Variants in TIAM1 observed in about 807,000 individuals in gnomAD.
The protein encoded by TIAM1 is TIAM Rac1 associated GEF 1.
A neutral mutation model predicts 163.5 loss-of-function variants in TIAM1; 65 were observed. The ratio of observed to expected loss-of-function variants is 0.40; its 90% CI spans 0.33 to 0.49. The LOEUF (loss-of-function observed/expected upper bound fraction) is 0.49. Among genes scored for constraint, TIAM1 ranks in the 20% least tolerant of loss-of-function variants. The probability of loss-of-function intolerance (pLI) is 0.77; values close to 1 mark genes in which losing one functional copy is unlikely to be tolerated. For missense variants in TIAM1, 1,789 were observed against 2,044.7 expected, an observed-to-expected ratio of 0.87 and a Z score of 2.41; for synonymous variants, 833 against 810.1, an observed-to-expected ratio of 1.03 and a Z score of -0.48.
chr21:31,301,579 CCTGTAA>C (rs2074501085), intron 2 of TIAM1, among the ~76,000 whole-genome samples: 1 of 152,136 alleles, frequency 6.6e-6, no homozygotes, highest in African/African-American at 2.4e-5. Context: ...GTGGCTCACG[CCTGTAA>C]TCCCAACACT....
At chr21:31,298,880 C>G (rs2146948347) in intron 2 of TIAM1, among the ~76,000 whole-genome samples, 1 of 152,008 alleles carries the variant, frequency 6.6e-6, no homozygotes, top group East Asian at 1.9e-4. Flanking sequence ...TATATCCTCC[C>G]CACCTCAAAT....
intron 1 of TIAM1, among the ~76,000 whole-genome samples, chr21:31,489,507 C>CAGGGAGGGAAGGAAGGGAGGGAGGGAGGG (rs2046389935): frequency 1.4e-5 from 1 of 73,644 alleles, no homozygotes; most frequent in Non-Finnish European, 2.4e-5. Context: ...GGGAGGGAGA[C>CAGGGAGGGAAGGAAGGGAGGGAGGGAGGG]AGGGAGGGAA....
chr21:31,203,107 A>T lies in TIAM1; in HGVS notation c.2389-95T>A. On this transcript the variant is annotated intron_variant, in intron 11 of 27. Transcript: ENST00000541036. ...CAACATACGATGTATTCCTATGACCAATAGAGTTTGTTGTTGTTGTTGTTG... is the reference window on the plus strand; with the variant it reads ...CAACATACGATGTATTCCTATGACCTATAGAGTTTGTTGTTGTTGTTGTTG... 8.7e-6 allele frequency: 9 copies of T among 1,030,282 alleles called. No individual in the cohort carries two copies. The South Asian group carries it at 1.3e-4, about 15-fold the overall frequency. The allele number at this position is 1,030,282 out of a possible 1,614,324, so 63.8% of individuals were successfully genotyped here. A position where few individuals can be genotyped will look rare whatever the true frequency, so the allele number is the denominator to read the frequency against.
At chr21:31,281,552 C>T (rs2073568134) in intron 2 of TIAM1, among the ~76,000 whole-genome samples, 1 of 152,116 alleles carries the variant, frequency 6.6e-6, no homozygotes, top group Non-Finnish European at 1.5e-5. Context: ...GGATCAAAAT[C>T]CTAAACATGT....
chr21:31,464,164 A>C (rs932867934), intron 1 of TIAM1: 3 of 152,226 alleles, frequency 2.0e-5, no homozygotes, highest in Non-Finnish European at 4.4e-5. Context: ...AGAGGAGGCA[A>C]CAGCCATCGC....
intron 2 of TIAM1, among the ~76,000 whole-genome samples, chr21:31,309,892 A>T (rs1217295117): frequency 6.6e-6 from 1 of 152,198 alleles, no homozygotes. Context: ...AAAAGTAAAA[A>T]ACCCAAATCC....
At chr21:31,508,333 A>G (rs2047100388) in intron 1 of TIAM1, among the ~76,000 whole-genome samples, 1 of 151,074 alleles carries the variant, frequency 6.6e-6, no homozygotes, top group African/African-American at 2.4e-5. Flanking sequence ...CTTTCCTTGG[A>G]GTGGGGAGGA....
intron 2 of TIAM1, among the ~76,000 whole-genome samples, chr21:31,418,394 A>G (rs1284888402): frequency 1.3e-5 from 2 of 149,994 alleles, no homozygotes; most frequent in Non-Finnish European, 3.0e-5. Context: ...CTGTTTAGAC[A>G]CAGGGTGGTG....
At chr21:31,485,074 T>G (rs2046229104) in intron 1 of TIAM1, among the ~76,000 whole-genome samples, 1 of 149,740 alleles carries the variant, frequency 6.7e-6, no homozygotes, top group Non-Finnish European at 1.5e-5. Context: ...CAAATAAACT[T>G]CTGTTCTTTA....
chr21:31,309,589 G>A (rs1418113735), intron 2 of TIAM1, among the ~76,000 whole-genome samples: 1 of 152,186 alleles, frequency 6.6e-6, no homozygotes, highest in Non-Finnish European at 1.5e-5. Context: ...GAATTCTAGA[G>A]TCCTAGACCG....
rs1481009175 is a variant in TIAM1, at chr21:31,120,505, C to T, written c.4639G>A (p.Ala1547Thr). ...ERGRKTLDSH[A>T]SRMAQLKKQA... ...TTCTTGAGCTGTGCCATGCGGGACG[C>T]GTGACTATCCAGGGTTTTCCGGCCT... Residue 1547 changes from alanine to threonine, a missense_variant, in exon 28 of 28, where the codon GCG becomes ACG. This residue lies in a region of TIAM1 where 415 missense variants were observed against 439.2 expected (regional missense o/e 0.94). Transcript: ENST00000541036. The surrounding 1 kb of genome is among the most constrained non-coding windows in gnomAD (Gnocchi z 4.2). 3.1e-6 allele frequency: 5 copies of T among 1,614,218 alleles called. No individual in the cohort carries two copies. The highest frequency in any genetic ancestry group is 1.6e-4 in the Middle Eastern group (1 of 6,062).
chr21:31,262,508 A>G (rs955998334), intron 4 of TIAM1, among the ~76,000 whole-genome samples: 5 of 152,270 alleles, frequency 3.3e-5, no homozygotes, highest in African/African-American at 1.2e-4. Context: ...TTTTCTGCAC[A>G]GCGCACATGT....
chr21:31,130,586 C>G (rs2082379448), intron 24 of TIAM1, among the ~76,000 whole-genome samples: 1 of 152,068 alleles, frequency 6.6e-6, no homozygotes. Context: ...AAAAGAAGAA[C>G]AGGGGCAACA....
At position 31,489,184 on chromosome 21, in the gene TIAM1, A is replaced by G. The variant is rs138557106; in HGVS notation, c.-421-25149T>C. ...TAGGAGTTTGAGAACAGCCTGGGCA[A>G]CATAGAGACCTTATCTCTACAAGAA... On this transcript the variant is annotated intron_variant, in intron 1 of 28. Transcript: ENST00000286827. Among the ~76,000 whole-genome samples the G allele has an allele frequency of 5.7e-3, 864 of 151,322 alleles. 8 individuals carry two copies. Among genetic ancestry groups the G allele is most frequent in the Middle Eastern group, 0.017 (5 of 294 alleles).
intron 2 of TIAM1, among the ~76,000 whole-genome samples, chr21:31,350,645 A>C (rs1043504605): frequency 5.3e-5 from 8 of 152,152 alleles, no homozygotes; most frequent in African/African-American, 1.2e-4. Flanking sequence ...GGCACGTGAC[A>C]TGTCTGCTCC....
intron 22 of TIAM1, among the ~76,000 whole-genome samples, chr21:31,139,633 G>A (rs2082756696): frequency 6.6e-6 from 1 of 151,964 alleles, no homozygotes; most frequent in Admixed American, 6.5e-5. Flanking sequence ...TTCTTATAAA[G>A]TTTTATAAGA....
intron 2 of TIAM1, among the ~76,000 whole-genome samples, chr21:31,316,178 A>G (rs377707095): frequency 1.3e-5 from 2 of 152,192 alleles, no homozygotes; most frequent in South Asian, 4.1e-4. Context: ...TGTCCTCTGC[A>G]GTGTTCTAGT....
chr21:31,307,738 G>A (rs1212317821), intron 2 of TIAM1, among the ~76,000 whole-genome samples: 1 of 152,168 alleles, frequency 6.6e-6, no homozygotes, highest in African/African-American at 2.4e-5. Flanking sequence ...CTCTGGACAA[G>A]TGAGGGGTAA....
intron 2 of TIAM1, among the ~76,000 whole-genome samples, chr21:31,382,335 C>T (rs1016467789): frequency 2.6e-5 from 4 of 152,186 alleles, no homozygotes; most frequent in Admixed American, 2.0e-4. Flanking sequence ...TTGAGATTTA[C>T]GCCGTGTCTA....
Sources: gnomAD v4.1 joint callset for allele counts (sites outside exome capture counted in the v4.1 genomes callset) on GRCh38, gnomAD v4.1.1 for gene constraint, gnomAD v4.1.1 regional missense constraint, Gnocchi (gnomAD v3.1) non-coding constraint, MANE v1.5 for transcripts, NCBI Gene and HGNC (gene_info 2026-07-23, HGNC 2026-07-21) for gene names.